Variants in CALN1 observed in about 807,000 individuals in gnomAD.
The protein encoded by CALN1 is calcium-binding protein 8.
Under a neutral mutation model 30.6 loss-of-function variants are expected in CALN1, and 17 were observed. The observed-to-expected ratio is 0.56, with a 90% CI of 0.38 to 0.83. The LOEUF (loss-of-function observed/expected upper bound fraction) is 0.83, where lower values mean the gene tolerates loss of function less well. Ranked by LOEUF, CALN1 falls within the 40% of genes least tolerant of loss-of-function variation. The pLI, the probability that CALN1 is intolerant of heterozygous loss-of-function variation, is 0.00. For synonymous variants in CALN1, 156 were observed against 131.4 expected, an observed-to-expected ratio of 1.19 and a Z score of -1.28; for missense variants, 291 against 354.9, an observed-to-expected ratio of 0.82 and a Z score of 1.45.
chr7:71,876,770 G>C (rs1421627407), intron 5 of CALN1, among the ~76,000 whole-genome samples: 2 of 152,148 alleles, frequency 1.3e-5, no homozygotes, highest in Non-Finnish European at 2.9e-5. Flanking sequence ...AGTTGCCCAG[G>C]TTGCAAGTGG....
the CALN1 span, among the ~76,000 whole-genome samples, chr7:72,491,576 GA>G: frequency 1.3e-5 from 2 of 152,052 alleles, no homozygotes; most frequent in African/African-American, 2.4e-5. Flanking sequence ...CTCAAAAAGA[GA>G]AAAAAATGGT....
At chr7:72,301,606 C>G (rs551718612) in intron 2 of CALN1, among the ~76,000 whole-genome samples, 2 of 60,174 alleles carry the variant, frequency 3.3e-5, no homozygotes, top group South Asian at 2.0e-3. Context: ...AAGACTTTGT[C>G]TCTCAAAAAA....
At chr7:72,271,660 G>A (rs1473038195) in intron 3 of CALN1, among the ~76,000 whole-genome samples, 1 of 147,918 alleles carries the variant, frequency 6.8e-6, no homozygotes, top group African/African-American at 2.5e-5. Flanking sequence ...GTAGAAAAGA[G>A]GAAGGAGGAG....
chr7:72,458,169 T>TA, the CALN1 span, among the ~76,000 whole-genome samples: 40 of 131,822 alleles, frequency 3.0e-4, no homozygotes, highest in Admixed American at 3.7e-4. Flanking sequence ...ATATATTTTA[T>TA]TTTATGTATT....
intron 3 of CALN1, among the ~76,000 whole-genome samples, chr7:72,157,673 A>G (rs1241785920): frequency 6.6e-6 from 1 of 152,208 alleles, no homozygotes; most frequent in East Asian, 1.9e-4. Context: ...AGACCTTTCC[A>G]ATTTCCAGAA....
chr7:72,007,419 C>A (rs916961346), intron 5 of CALN1, among the ~76,000 whole-genome samples: 5 of 152,062 alleles, frequency 3.3e-5, no homozygotes, highest in Admixed American at 2.6e-4. Context: ...TGGTGGCGGG[C>A]ACCTGTAGTC....
chr7:71,929,040 A>C (rs1403068585), intron 5 of CALN1, among the ~76,000 whole-genome samples: 1 of 151,816 alleles, frequency 6.6e-6, no homozygotes, highest in Non-Finnish European at 1.5e-5. Flanking sequence ...ATGATATGTG[A>C]CCTTTTGGGT....
intron 2 of CALN1, among the ~76,000 whole-genome samples, chr7:72,280,195 C>G (rs1220392646): frequency 1.3e-5 from 2 of 152,198 alleles, no homozygotes; most frequent in Non-Finnish European, 1.5e-5. Flanking sequence ...TCTGGTTTCT[C>G]TATTTCTATC....
chr7:71,998,131 T>C (rs543323273), intron 5 of CALN1, among the ~76,000 whole-genome samples: 4 of 152,086 alleles, frequency 2.6e-5, no homozygotes, highest in Non-Finnish European at 5.9e-5. Flanking sequence ...AGCCCATCTA[T>C]GAATTTTACA....
At chr7:72,148,907 C>CAA (rs539267916) in intron 3 of CALN1, among the ~76,000 whole-genome samples, 2 of 37,106 alleles carry the variant, frequency 5.4e-5, no homozygotes, top group Non-Finnish European at 1.0e-4. Flanking sequence ...CCACCAAAAA[C>CAA]AAAAAAAAGA....
chr7:72,019,854 G>A (rs1256635575), intron 5 of CALN1, among the ~76,000 whole-genome samples: 1 of 152,172 alleles, frequency 6.6e-6, no homozygotes, highest in Non-Finnish European at 1.5e-5. Context: ...TTGGTGTAAT[G>A]TATTATGCAG....
chr7:71,970,430 T>C (rs978576690), intron 5 of CALN1, among the ~76,000 whole-genome samples: 6 of 152,172 alleles, frequency 3.9e-5, no homozygotes, highest in Admixed American at 1.3e-4. Flanking sequence ...GTTATTATAT[T>C]AAGTTATATC....
chr7:72,393,421 G>A (rs1227217854), intron 2 of CALN1, among the ~76,000 whole-genome samples: 10 of 152,094 alleles, frequency 6.6e-5, no homozygotes, highest in Admixed American at 4.6e-4. Flanking sequence ...CCGAGATCGC[G>A]CCACTGCACT....
At chr7:72,352,125 C>T (rs1157399297) in intron 2 of CALN1, among the ~76,000 whole-genome samples, 1 of 152,100 alleles carries the variant, frequency 6.6e-6, no homozygotes, top group Non-Finnish European at 1.5e-5. Flanking sequence ...TGGGATTGCA[C>T]CACTGCACTC....
intron 4 of CALN1, among the ~76,000 whole-genome samples, chr7:72,098,359 G>C (rs1244036193): frequency 6.6e-6 from 1 of 152,116 alleles, no homozygotes; most frequent in Non-Finnish European, 1.5e-5. Flanking sequence ...ATGAGCCAAG[G>C]AGGAGACCCC....
chr7:71,857,280 A>C (rs1412123483), intron 5 of CALN1, among the ~76,000 whole-genome samples: 1 of 152,134 alleles, frequency 6.6e-6, no homozygotes, highest in East Asian at 1.9e-4. Flanking sequence ...ATGGCTATTA[A>C]ATATTAGATT....
intron 4 of CALN1, among the ~76,000 whole-genome samples, chr7:72,062,538 A>T: frequency 6.9e-6 from 1 of 144,124 alleles, no homozygotes; most frequent in African/African-American, 2.6e-5. Flanking sequence ...AAAGAAAAAA[A>T]ATAAATAAAT....
rs1411095707 is a variant in CALN1 at position 71,786,708 on chromosome 7, G to A, written c.*1067C>T. The A allele has an allele frequency of 1.3e-5, 2 of 151,970 alleles. No homozygotes were observed. Among genetic ancestry groups the A allele is most frequent in the African/African-American group, 4.8e-5 (2 of 41,386 alleles). The allele number at this position is 151,970 out of a possible 1,614,324, so 9.4% of individuals were successfully genotyped here. On this transcript the variant is annotated 3_prime_UTR_variant, in exon 7 of 7. Coordinates refer to ENST00000395275, the MANE Select transcript of CALN1 (RefSeq NM_031468.4). ...GGAAGACTAACAAAGCAAACTCCAA[G>A]GTAAGGGAAAGGTAAGATGCACAAG... is the stretch of plus-strand genomic sequence containing the variant.
chr7:71,820,957 G>A (rs1402810639), intron 5 of CALN1, among the ~76,000 whole-genome samples: 3 of 152,282 alleles, frequency 2.0e-5, no homozygotes, highest in Non-Finnish European at 2.9e-5. Context: ...GTGTGAAGGC[G>A]AATGGGCCAT....
Sources: allele counts gnomAD v4.1 joint callset (sites outside exome capture counted in the v4.1 genomes callset), GRCh38; gene constraint gnomAD v4.1.1; transcripts MANE v1.5; gene names NCBI Gene and HGNC (gene_info 2026-07-23, HGNC 2026-07-21).